VTCN1: variants seen among roughly 807,000 people sequenced by gnomAD.
VTCN1 encodes the protein V-set domain containing T cell activation inhibitor 1, also known as V-set domain-containing T-cell activation inhibitor 1.
A neutral mutation model predicts 26.5 loss-of-function variants in VTCN1; 26 were observed. That is an observed-to-expected ratio of 0.98 (90% CI 0.72 to 1.36). The LOEUF (loss-of-function observed/expected upper bound fraction) is 1.36. VTCN1 is among the 40% of genes most tolerant of loss of function. VTCN1 has a pLI of 0.00. For synonymous variants in VTCN1, 116 were observed against 130.7 expected (o/e 0.89, Z 0.77); for missense variants, 298 against 337.7 (o/e 0.88, Z 0.92).
intron 2 of VTCN1, among the ~76,000 whole-genome samples, chr1:117,162,163 A>G (rs1452137669): frequency 6.6e-6 from 1 of 152,158 alleles, no homozygotes; most frequent in Admixed American, 6.5e-5. Flanking sequence ...CTCCACCCCA[A>G]TGTCAAATAA....
intron 1 of VTCN1, among the ~76,000 whole-genome samples, chr1:117,192,449 A>T (rs1648292838): frequency 1.3e-5 from 2 of 152,338 alleles, no homozygotes; most frequent in African/African-American, 4.8e-5. Flanking sequence ...AAAGCATATA[A>T]AAGTATAAAA....
rs372329698 is a variant in VTCN1, at chr1:117,156,858, A to G, written c.161T>C (p.Leu54Pro). ...SAGNIGEDGI[L>P]SCTFEPDIKL... ...GATGTCAGGTTCAAAAGTGCAGCTCAGGATTCCATCCTCCCCAATGTTCCC... is the reference window on the plus strand; with the variant it reads ...GATGTCAGGTTCAAAAGTGCAGCTCGGGATTCCATCCTCCCCAATGTTCCC... The change falls in exon 3 of 6, where the codon CTG becomes CCG. Residue 54 changes from leucine to proline, a missense_variant. Physicochemically the swap from Leu to Pro is moderately conservative, Grantham distance 98 (BLOSUM62 -3). Coordinates refer to ENST00000369458, the MANE Select transcript of VTCN1 (RefSeq NM_024626.4). 3 of 1,614,018 alleles carry G rather than the reference A, an allele frequency of 1.9e-6. No homozygotes were observed. In the African/African-American group the frequency reaches 4.0e-5, roughly 22 times the overall value.
chr1:117,157,100 T>G, intron 2 of VTCN1, 179 bp from the exon 3 acceptor site: 1 of 681,962 alleles, frequency 1.5e-6, no homozygotes, highest in East Asian at 3.9e-5. Context: ...TTGATATATA[T>G]ATATATATAT....
intron 4 of VTCN1, among the ~76,000 whole-genome samples, chr1:117,149,662 CTCTTT>C (rs1208212533): frequency 1.3e-5 from 2 of 152,128 alleles, no homozygotes; most frequent in Non-Finnish European, 2.9e-5. Flanking sequence ...TGATTAACTT[CTCTTT>C]TGATACTTAT....
In VTCN1 at chr1:117,175,470, C is replaced by G. The variant is rs532197332; in HGVS notation, c.33-5299G>C. Among the ~76,000 whole-genome samples, 1 of 152,180 alleles carries G rather than the reference C, an allele frequency of 6.6e-6. No homozygotes were observed. The highest frequency in any genetic ancestry group is 1.5e-5 in the Non-Finnish European group (1 of 68,036). Reference sequence around the variant, plus strand: ...ATGTACTTCTCTGGAGAGGGAGCCCCGTGTGCAGATGTTCATTCAAAAAAA... The same window carrying G: ...ATGTACTTCTCTGGAGAGGGAGCCCGGTGTGCAGATGTTCATTCAAAAAAA... On this transcript the variant is annotated intron_variant, in intron 1 of 5. Coordinates refer to ENST00000369458, the MANE Select transcript of VTCN1 (RefSeq NM_024626.4). The surrounding 1 kb of genome is among the most constrained non-coding windows in gnomAD (Gnocchi z 4.2).
chr1:117,196,638 C>CAA (rs1488686265), intron 1 of VTCN1, among the ~76,000 whole-genome samples: 2 of 151,410 alleles, frequency 1.3e-5, no homozygotes, highest in Non-Finnish European at 2.9e-5. Context: ...AGATGTTGGG[C>CAA]AAACAGGCAT....
chr1:117,194,105 T>C (rs1235478574), intron 1 of VTCN1, among the ~76,000 whole-genome samples: 2 of 152,002 alleles, frequency 1.3e-5, no homozygotes, highest in Non-Finnish European at 2.9e-5. Flanking sequence ...AAGAAAATAT[T>C]TGCAAACCAT....
At chr1:117,192,161 TG>T (rs1648278423) in intron 1 of VTCN1, among the ~76,000 whole-genome samples, 1 of 152,128 alleles carries the variant, frequency 6.6e-6, no homozygotes, top group Non-Finnish European at 1.5e-5. Flanking sequence ...AAAACAGGCT[TG>T]TCACATATAA....
chr1:117,209,020 G>A (rs1334876517), intron 1 of VTCN1, among the ~76,000 whole-genome samples: 1 of 152,216 alleles, frequency 6.6e-6, no homozygotes, highest in Non-Finnish European at 1.5e-5. Flanking sequence ...TCCCTGAGAT[G>A]AGCTTTCATG....
intron 3 of VTCN1, among the ~76,000 whole-genome samples, chr1:117,154,783 CAAAA>C (rs916361996): frequency 2.3e-4 from 9 of 39,918 alleles, no homozygotes; most frequent in Middle Eastern, 0.016. Flanking sequence ...AACTCCATCT[CAAAA>C]AAAAAAAAAA....
rs185054855 is a variant in VTCN1 at position 117,161,830 on chromosome 1, G to A, written c.98-4909C>T. ...TCAAATACAACTATGTTACAGCAAA[G>A]GTAAATTTGATGGTTGTTGATAAAG... On this transcript the variant is annotated intron_variant, in intron 2 of 5. Transcript: ENST00000369458. This position sits in a 1 kb window ranked among gnomAD's most constrained non-coding sequence, Gnocchi z 4.3. Among the ~76,000 whole-genome samples the A allele has an allele frequency of 1.1e-3, 163 of 152,202 alleles. No homozygotes were observed. The highest frequency in any genetic ancestry group is 1.9e-3 in the Non-Finnish European group (129 of 68,010).
intron 1 of VTCN1, among the ~76,000 whole-genome samples, chr1:117,194,584 G>A (rs1338352432): frequency 2.6e-5 from 4 of 152,152 alleles, no homozygotes; most frequent in African/African-American, 4.8e-5. Flanking sequence ...GTTCATTGCA[G>A]CATTATTCAC....
chr1:117,171,669 G>A (rs1217044154), intron 1 of VTCN1, among the ~76,000 whole-genome samples: 1 of 152,210 alleles, frequency 6.6e-6, no homozygotes, highest in Non-Finnish European at 1.5e-5. Context: ...TGGCAGACAT[G>A]TTGTTCCAAC....
intron 4 of VTCN1, among the ~76,000 whole-genome samples, chr1:117,148,076 A>T (rs971956793): frequency 2.6e-5 from 4 of 152,246 alleles, no homozygotes; most frequent in South Asian, 2.1e-4. Flanking sequence ...ACAAACAGCC[A>T]TGGCCAGTTC....
Position 117,170,186 on chromosome 1 carries a change from A to G in VTCN1, c.33-15T>C. 1.2e-6 allele frequency: 2 copies of G among 1,612,544 alleles called. No homozygotes were observed. The highest frequency in any genetic ancestry group is 8.5e-7 in the Non-Finnish European group (1 of 1,179,230). On this transcript the variant is annotated splice_polypyrimidine_tract_variant and intron_variant, in intron 1 of 5. Transcript: ENST00000369458. ...TGCTAATTATGCTACGGGAAGAGAG[A>G]GAGAAACAGAAAATTAGTTCTCCAT...
At chr1:117,173,197 G>A (rs1653017793) in intron 1 of VTCN1, 1 of 716,268 alleles carries the variant, frequency 1.4e-6, no homozygotes, top group African/African-American at 1.7e-5. Flanking sequence ...CGCGAGGTCA[G>A]CGGCTTCATT....
intron 1 of VTCN1, among the ~76,000 whole-genome samples, chr1:117,193,193 G>C (rs1321307951): frequency 6.6e-6 from 1 of 151,926 alleles, no homozygotes; most frequent in Non-Finnish European, 1.5e-5. Flanking sequence ...GGCATTTTGG[G>C]GTGGGGGAGT....
At chr1:117,154,868 C>A (rs1474867884) in intron 3 of VTCN1, among the ~76,000 whole-genome samples, 1 of 151,472 alleles carries the variant, frequency 6.6e-6, no homozygotes, top group African/African-American at 2.4e-5. Flanking sequence ...CAACTAAATT[C>A]CAGATTTGAT....
intron 4 of VTCN1, among the ~76,000 whole-genome samples, chr1:117,148,377 C>T (rs140509186): frequency 6.6e-6 from 1 of 152,246 alleles, no homozygotes; most frequent in Admixed American, 6.5e-5. Flanking sequence ...GGCTAGAATA[C>T]TAATAACCTA....
Sources: allele counts gnomAD v4.1 joint callset (sites outside exome capture counted in the v4.1 genomes callset), GRCh38; gene constraint gnomAD v4.1.1; non-coding constraint Gnocchi (gnomAD v3.1); transcripts MANE v1.5; gene names NCBI Gene and HGNC (gene_info 2026-07-23, HGNC 2026-07-21).